WDR35: variants seen among roughly 807,000 people sequenced by gnomAD.
The protein encoded by WDR35 is WD repeat-containing protein 35.
In WDR35, 118 loss-of-function variants were observed where a neutral mutation model predicts 158.3. The observed-to-expected ratio is 0.75, with a 90% CI of 0.64 to 0.87. The LOEUF is 0.87. Ranked by LOEUF, WDR35 falls within the 40% of genes least tolerant of loss-of-function variation. The probability of loss-of-function intolerance (pLI) is 0.00; values close to 1 mark genes in which losing one functional copy is unlikely to be tolerated. For synonymous variants in WDR35, 448 were observed against 476.1 expected (o/e 0.94, Z 0.77); for missense variants, 1,263 against 1,405.8 (o/e 0.90, Z 1.62).
chr2:19,947,792 G>A (rs749092294), intron 14 of WDR35, among the ~76,000 whole-genome samples: 1 of 152,044 alleles, frequency 6.6e-6, no homozygotes, highest in Non-Finnish European at 1.5e-5. Flanking sequence ...GTTAGAAACT[G>A]TAAGTGTACT....
At chr2:19,952,781 C>CTTTTT (rs773596785) in intron 12 of WDR35, among the ~76,000 whole-genome samples, 126 of 86,290 alleles carry the variant, frequency 1.5e-3, no homozygotes, top group Non-Finnish European at 1.8e-3. Context: ...ACTCAACATA[C>CTTTTT]TTTTTTTTTT....
chr2:19,945,798 G>C lies in WDR35; in HGVS notation c.1833C>G (p.Asn611Lys), dbSNP rs1671026684. Residue 611 changes from asparagine (N) to lysine (K), a missense_variant, in exon 16 of 27, where the codon AAC becomes AAG. Transcript: ENST00000281405. ...TTCTTGTTTTTACCTCAGGATCCAA[G>C]TTTCTGAAAACATACATTCTTGTCT... Reference protein sequence around the residue: ...MEKTRMYVFRNLDPEEPIQTS... With the variant: ...MEKTRMYVFRKLDPEEPIQTS... 1.2e-6 allele frequency: 2 copies of C among 1,613,694 alleles called. No individual in the cohort carries two copies. Among genetic ancestry groups the C allele is most frequent in the South Asian group, 2.2e-5 (2 of 91,086 alleles).
At chr2:19,969,680 G>C in intron 8 of WDR35, 75 bp from the exon 9 acceptor site, 1 of 1,463,646 alleles carries the variant, frequency 6.8e-7, no homozygotes, top group Non-Finnish European at 9.4e-7. Flanking sequence ...TCACTTCACA[G>C]AGATCAAAAG....
At chr2:19,928,016 C>A (rs1383406021) in intron 25 of WDR35, among the ~76,000 whole-genome samples, 1 of 152,166 alleles carries the variant, frequency 6.6e-6, no homozygotes, top group Non-Finnish European at 1.5e-5. Context: ...ACAGGCACCC[C>A]TCAAAATCTG....
In WDR35 at chr2:19,945,973, G is replaced by A; in HGVS notation, c.1658C>T (p.Ser553Leu). 1.2e-6 allele frequency: 2 copies of A among 1,613,874 alleles called. No homozygotes were observed. The highest frequency in any genetic ancestry group is 1.7e-6 in the Non-Finnish European group (2 of 1,179,812). The change falls in exon 16 of 27, where the codon TCA (serine) becomes TTA (leucine). Residue 553 changes from serine to leucine, a missense_variant. Physicochemically the swap from Ser to Leu is moderately radical, Grantham distance 145. Transcript: ENST00000281405. ...CAAGTCAAAGAAAGTCAGAACTCCT[G>A]AGATGTCTATGATAGCAAGACGGCT... ...NSSRLAIIDI[S>L]GVLTFFDLDA...
intron 5 of WDR35, among the ~76,000 whole-genome samples, chr2:19,976,613 TTC>T (rs758636626): frequency 1.3e-5 from 2 of 151,956 alleles, no homozygotes; most frequent in Non-Finnish European, 2.9e-5. Context: ...GAAAATAAAT[TTC>T]TGTTGTTTAA....
rs1040572605 is a variant in WDR35 at position 19,937,628 on chromosome 2, T to G, written c.2267+115A>C. Reference sequence around the variant, plus strand: ...TCTAGGTTGTAATCCAAACTTAAAATTAATTTCTAAAAGGAACCATATGAT... The same window carrying G: ...TCTAGGTTGTAATCCAAACTTAAAAGTAATTTCTAAAAGGAACCATATGAT... On this transcript the variant is annotated intron_variant, in intron 19 of 26. Transcript: ENST00000281405. 4.3e-6 allele frequency: 6 copies of G among 1,393,792 alleles called. No homozygotes were observed. The African/African-American group carries it at 8.6e-5, about 20-fold the overall frequency. The allele number at this position is 1,393,792 out of a possible 1,614,324, so 86.3% of individuals were successfully genotyped here. A position where few individuals can be genotyped will look rare whatever the true frequency, so the allele number is the denominator to read the frequency against.
intron 9 of WDR35, among the ~76,000 whole-genome samples, chr2:19,967,258 G>T (rs1285488901): frequency 2.6e-5 from 4 of 152,088 alleles, no homozygotes; most frequent in African/African-American, 9.7e-5. Context: ...TTCAATTCTG[G>T]ATCTCCAAGT....
Position 19,960,598 on chromosome 2 carries a change from C to T in WDR35, c.1211G>A (p.Cys404Tyr). Residue 404 changes from cysteine (C) to tyrosine (Y), a missense_variant, in exon 11 of 27, where the codon TGT (cysteine) becomes TAT (tyrosine). Coordinates refer to ENST00000281405, the MANE Select transcript of WDR35 (RefSeq NM_020779.4). The part of the protein sequence containing the change: ...ENHPQFVLVL[C>Y]NSIGTPLDPK... ...ATCCAAGGGTGTACCAATAGAATTACAAAGAACTAGTACAAACTGTGAACA... is the reference window on the plus strand; with the variant it reads ...ATCCAAGGGTGTACCAATAGAATTATAAAGAACTAGTACAAACTGTGAACA... 1 of 1,608,562 alleles carries T rather than the reference C, an allele frequency of 6.2e-7. No homozygotes were observed. Among genetic ancestry groups the T allele is most frequent in the Non-Finnish European group, 8.5e-7 (1 of 1,176,196 alleles).
chr2:19,917,390 G>A (rs1045685809), intron 25 of WDR35, among the ~76,000 whole-genome samples: 1 of 152,230 alleles, frequency 6.6e-6, no homozygotes, highest in Non-Finnish European at 1.5e-5. Context: ...GATGGAGAAT[G>A]AATTTGATTA....
At position 19,935,712 on chromosome 2, in the gene WDR35, T is replaced by C. The variant is rs1670672626; in HGVS notation, c.2415-109A>G. ...TCATAATTCCCAGTACTAGTATTAC[T>C]GTTCATTATCTTCAGCTTCAGAATA... is the stretch of plus-strand genomic sequence containing the variant. On this transcript the variant is annotated intron_variant, in intron 20 of 26. Coordinates refer to ENST00000281405, the MANE Select transcript of WDR35 (RefSeq NM_020779.4). 3.2e-6 allele frequency: 4 copies of C among 1,267,768 alleles called. No homozygotes were observed. In the Admixed American group the frequency reaches 9.2e-5, roughly 29 times the overall value. The allele number at this position is 1,267,768 out of a possible 1,614,324, so 78.5% of individuals were successfully genotyped here.
intron 11 of WDR35, 93 bp from the exon 12 acceptor site, chr2:19,954,071 C>T: frequency 6.9e-7 from 1 of 1,446,512 alleles, no homozygotes; most frequent in East Asian, 2.3e-5. Context: ...AGTTCAACCC[C>T]TCATTTTATA....
Position 19,966,890 on chromosome 2 carries a change from G to A in WDR35, c.1028C>T (p.Thr343Ile), listed in dbSNP as rs1275477418. The change falls in exon 10 of 27, where the codon ACT becomes ATT. Residue 343 changes from threonine (T) to isoleucine (I), a missense_variant. Physicochemically the swap from Thr to Ile is moderately conservative, Grantham distance 89. Coordinates refer to ENST00000281405, the MANE Select transcript of WDR35 (RefSeq NM_020779.4). The part of the protein sequence containing the change: ...PNYKWGYCSN[T>I]VVYAYTRPDR... ...AGGTCTGGTATATGCATAAACTACA[G>A]TGTTTGAGCAATAACCCCACTAGGA... is the stretch of plus-strand genomic sequence containing the variant. 10 of 1,613,710 alleles carry A rather than the reference G, an allele frequency of 6.2e-6. No homozygotes were observed. In the African/African-American group the frequency reaches 8.0e-5, roughly 13 times the overall value.
chr2:19,926,935 C>A (rs540670692), intron 25 of WDR35, among the ~76,000 whole-genome samples: 1 of 152,194 alleles, frequency 6.6e-6, no homozygotes, highest in Admixed American at 6.5e-5. Context: ...CATTTCGAGA[C>A]TGACACTGAG....
chr2:19,949,386 G>T (rs1447852341), intron 13 of WDR35, among the ~76,000 whole-genome samples: 1 of 152,096 alleles, frequency 6.6e-6, no homozygotes, highest in South Asian at 2.1e-4. Context: ...AACATGATTA[G>T]ATTTATATTT....
chr2:19,983,123 A>G (rs894059063), intron 2 of WDR35, among the ~76,000 whole-genome samples: 11 of 152,240 alleles, frequency 7.2e-5, no homozygotes, highest in Non-Finnish European at 1.3e-4. Context: ...AAAGCATAAT[A>G]AGAAAGAGTA....
intron 2 of WDR35, among the ~76,000 whole-genome samples, chr2:19,986,113 T>C (rs1572372363): frequency 6.6e-6 from 1 of 152,178 alleles, no homozygotes; most frequent in South Asian, 2.1e-4. Flanking sequence ...GGATTGCTGA[T>C]GCAGATGTTG....
chr2:19,938,291 T>C lies in WDR35; in HGVS notation c.2037A>G (p.Ile679Met). The C allele has an allele frequency of 6.2e-7, 1 of 1,614,082 alleles. No homozygotes were observed. Among genetic ancestry groups the C allele is most frequent in the Non-Finnish European group, 8.5e-7 (1 of 1,180,014 alleles). ...AAAGTCGGGGGTGTGGATTGTCCTC[T>C]ATGAACTGAGATGCATCTTTAATTC... ...KVGIKDASQF[I>M]EDNPHPRLWR... The change falls in exon 18 of 27, where the codon ATA (isoleucine) becomes ATG (methionine). Residue 679 changes from isoleucine (I) to methionine (M), a missense_variant. Transcript: ENST00000281405.
intron 25 of WDR35, among the ~76,000 whole-genome samples, chr2:19,919,380 C>CAAAAAAAAAAAAAAAAAAAAAAAAAAAA (rs1302042752): frequency 2.1e-5 from 1 of 48,240 alleles, no homozygotes; most frequent in African/African-American, 6.6e-5. Context: ...GGCTCCATCT[C>CAAAAAAAAAAAAAAAAAAAAAAAAAAAA]AAAAAAAAAA....
Sources: allele counts gnomAD v4.1 joint callset (sites outside exome capture counted in the v4.1 genomes callset), GRCh38; gene constraint gnomAD v4.1.1; transcripts MANE v1.5; gene names NCBI Gene and HGNC (gene_info 2026-07-23, HGNC 2026-07-21).